Variants in CAMTA1 observed in about 807,000 individuals in gnomAD.
CAMTA1 encodes calmodulin binding transcription activator 1.
Under a neutral mutation model 170.9 loss-of-function variants are expected in CAMTA1, and 27 were observed. The ratio of observed to expected loss-of-function variants is 0.16; its 90% CI spans 0.12 to 0.22. The LOEUF (loss-of-function observed/expected upper bound fraction) is 0.22. CAMTA1 is among the 10% of genes least tolerant of loss of function. The pLI is 1.00. For missense variants in CAMTA1, 1,619 were observed against 2,217.2 expected, an observed-to-expected ratio of 0.73 and a Z score of 5.42; for synonymous variants, 833 against 891.5, an observed-to-expected ratio of 0.93 and a Z score of 1.17.
At chr1:7,751,134 C>T (rs956251130) in intron 19 of CAMTA1, 65 bp from the exon 20 acceptor site, 7 of 1,293,150 alleles carry the variant, frequency 5.4e-6, no homozygotes, top group African/African-American at 1.5e-5. Context: ...CCGGTAAGCT[C>T]GAAGGACGCT....
intron 4 of CAMTA1, among the ~76,000 whole-genome samples, chr1:7,150,686 TC>T (rs1646520473): frequency 6.6e-6 from 1 of 151,654 alleles, no homozygotes; most frequent in Non-Finnish European, 1.5e-5. Context: ...AAGATGTAAC[TC>T]TCGGCATGTT....
intron 5 of CAMTA1, among the ~76,000 whole-genome samples, chr1:7,386,322 G>A (rs906044298): frequency 5.9e-5 from 9 of 152,328 alleles, no homozygotes; most frequent in South Asian, 2.1e-4. Flanking sequence ...ATGAGCAGCC[G>A]CCGTCACCCA....
chr1:7,496,068 G>A (rs889309494), intron 6 of CAMTA1, among the ~76,000 whole-genome samples: 4 of 152,292 alleles, frequency 2.6e-5, no homozygotes, highest in South Asian at 4.2e-4. Context: ...CCAGGGAGCC[G>A]GAGGGGAGCG....
intron 3 of CAMTA1, among the ~76,000 whole-genome samples, chr1:7,030,532 C>T (rs4908587): frequency 0.14 from 20,747 of 152,182 alleles, 1,536 homozygotes; most frequent in Non-Finnish European, 0.18. Flanking sequence ...TAAAAACTCA[C>T]ATTTTATCAT....
At chr1:7,492,849 A>C (rs2093740236) in intron 6 of CAMTA1, among the ~76,000 whole-genome samples, 1 of 151,152 alleles carries the variant, frequency 6.6e-6, no homozygotes, top group South Asian at 2.1e-4. Context: ...GCACACGCAC[A>C]AACACAAACC....
At chr1:7,707,009 C>T (rs1181421276) in intron 11 of CAMTA1, among the ~76,000 whole-genome samples, 1 of 151,318 alleles carries the variant, frequency 6.6e-6, no homozygotes, top group Admixed American at 6.6e-5. Context: ...GCCTCAGTCT[C>T]CCGAGTAGCT....
chr1:7,657,988 C>T (rs145283583), intron 7 of CAMTA1, among the ~76,000 whole-genome samples: 200 of 152,294 alleles, frequency 1.3e-3, no homozygotes, highest in African/African-American at 3.7e-3. Flanking sequence ...CTGGCCTGAT[C>T]GGCGGTTGTC....
At chr1:7,669,985 A>G (rs531830643) in intron 9 of CAMTA1, among the ~76,000 whole-genome samples, 10 of 152,360 alleles carry the variant, frequency 6.6e-5, no homozygotes, top group African/African-American at 2.4e-4. Flanking sequence ...CACTTTCTGC[A>G]GCAGCCCCAG....
chr1:7,557,372 C>A (rs574498996), intron 6 of CAMTA1, among the ~76,000 whole-genome samples: 1 of 152,084 alleles, frequency 6.6e-6, no homozygotes, highest in South Asian at 2.1e-4. Flanking sequence ...GTCCAGAGCC[C>A]GGCCAAGCGG....
chr1:7,513,294 C>G (rs1056187480), intron 6 of CAMTA1, among the ~76,000 whole-genome samples: 5 of 152,256 alleles, frequency 3.3e-5, no homozygotes, highest in Non-Finnish European at 7.3e-5. Flanking sequence ...GTCTTGCCAT[C>G]GTAATGGCAG....
chr1:7,229,544 G>A (rs1331892141), intron 4 of CAMTA1, among the ~76,000 whole-genome samples: 1 of 88,972 alleles, frequency 1.1e-5, no homozygotes, highest in Non-Finnish European at 2.4e-5. Flanking sequence ...AGGATTGGAG[G>A]ATGGGGATGG....
chr1:7,311,481 C>A (rs2149622103), intron 5 of CAMTA1, among the ~76,000 whole-genome samples: 1 of 152,236 alleles, frequency 6.6e-6, no homozygotes, highest in East Asian at 1.9e-4. Context: ...TGAAACATTT[C>A]ATTTTTCCAT....
intron 5 of CAMTA1, among the ~76,000 whole-genome samples, chr1:7,346,276 T>G (rs1338895003): frequency 6.6e-6 from 1 of 152,140 alleles, no homozygotes; most frequent in African/African-American, 2.4e-5. Context: ...CAGGTTTCTC[T>G]CCCTCTCTGA....
At chr1:6,804,530 A>G (rs949968194) in intron 1 of CAMTA1, among the ~76,000 whole-genome samples, 4 of 152,048 alleles carry the variant, frequency 2.6e-5, no homozygotes, top group Admixed American at 1.3e-4. Context: ...GCCCTAGTCA[A>G]TTACTAATCT....
intron 5 of CAMTA1, among the ~76,000 whole-genome samples, chr1:7,433,413 A>T (rs2092244947): frequency 6.6e-6 from 1 of 152,124 alleles, no homozygotes; most frequent in African/African-American, 2.4e-5. Context: ...GGCCTGTGTG[A>T]TTCCCACTCC....
At position 7,333,829 on chromosome 1, in the gene CAMTA1, C is replaced by T. The variant is rs1323114224; in HGVS notation, c.438+84203C>T. Among the ~76,000 whole-genome samples, 2 of 152,148 alleles carry T rather than the reference C, an allele frequency of 1.3e-5. No homozygotes were observed. Among genetic ancestry groups the T allele is most frequent in the Non-Finnish European group, 2.9e-5 (2 of 68,034 alleles). On this transcript the variant is annotated intron_variant, in intron 5 of 22. Transcript: ENST00000303635. This position sits in a 1 kb window ranked among gnomAD's most constrained non-coding sequence, Gnocchi z 4.4. ...AGCATTTTTGTAGCCTCCTCAAAAT[C>T]CTCTCTCTGTGTTTACATTTTAATG... is the stretch of plus-strand genomic sequence containing the variant.
chr1:6,905,239 G>C (rs1444847783), intron 3 of CAMTA1, among the ~76,000 whole-genome samples: 1 of 143,402 alleles, frequency 7.0e-6, no homozygotes, highest in Non-Finnish European at 1.5e-5. Context: ...TGTTGCCCAG[G>C]CTAGAGTGCA....
In CAMTA1 at chr1:7,732,724, G is replaced by GAATAC; in HGVS notation, c.3066+126_3066+127insATACA. 1 of 1,339,290 alleles carries GAATAC rather than the reference G, an allele frequency of 7.5e-7. No individual in the cohort carries two copies. Among genetic ancestry groups the GAATAC allele is most frequent in the East Asian group, 2.5e-5 (1 of 39,268 alleles). The allele number at this position is 1,339,290 out of a possible 1,614,324, so 83.0% of individuals were successfully genotyped here. ...GTCCCTGTATTCAGGCAGAAGGCCT[G>GAATAC]AGGGAGTACTTTACGGTACCTGTGC... On this transcript the variant is annotated intron_variant, in intron 12 of 22. Coordinates refer to ENST00000303635, the MANE Select transcript of CAMTA1 (RefSeq NM_015215.4). The surrounding 1 kb of genome is among the most constrained non-coding windows in gnomAD (Gnocchi z 4.1).
At chr1:6,868,085 G>GT (rs1251124103) in intron 3 of CAMTA1, among the ~76,000 whole-genome samples, 1 of 151,336 alleles carries the variant, frequency 6.6e-6, no homozygotes, top group Admixed American at 6.8e-5. Context: ...GATTATAGGC[G>GT]TGAGCCACAG....
Sources: allele counts gnomAD v4.1 joint callset (sites outside exome capture counted in the v4.1 genomes callset), GRCh38; gene constraint gnomAD v4.1.1; non-coding constraint Gnocchi (gnomAD v3.1); transcripts MANE v1.5; gene names NCBI Gene and HGNC (gene_info 2026-07-23, HGNC 2026-07-21).